Variants in EN2 observed in about 807,000 individuals in gnomAD.
The protein encoded by EN2 is engrailed homeobox 2, also known as homeobox protein engrailed-2.
In EN2, 7 loss-of-function variants were observed where a neutral mutation model predicts 25.0. The observed-to-expected ratio is 0.28, with a 90% CI of 0.16 to 0.53. The LOEUF (loss-of-function observed/expected upper bound fraction) is 0.53, where lower values mean the gene tolerates loss of function less well. Among genes scored for constraint, EN2 ranks in the 20% least tolerant of loss-of-function variants. The pLI is 0.96. For missense variants in EN2, 524 were observed against 501.8 expected (o/e 1.04, Z -0.42); for synonymous variants, 277 against 243.3 (o/e 1.14, Z -1.29).
At chr7:155,460,715 C>A (rs1795685258) in intron 1 of EN2, among the ~76,000 whole-genome samples, 1 of 152,040 alleles carries the variant, frequency 6.6e-6, no homozygotes, top group South Asian at 2.1e-4. Context: ...TGTGCCCCAT[C>A]CCCCACCACC....
In EN2 at chr7:155,462,933, C is replaced by CT. The variant is rs897507892; in HGVS notation, c.*252dup. 21 of 405,734 alleles carry CT rather than the reference C, an allele frequency of 5.2e-5. No homozygotes were observed. In the Admixed American group the frequency reaches 5.4e-4, roughly 10 times the overall value. 25.1% of individuals were successfully genotyped at this position (405,734 alleles called of 1,614,324 possible). A position where few individuals can be genotyped will look rare whatever the true frequency, so the allele number is the denominator to read the frequency against. On this transcript the variant is annotated 3_prime_UTR_variant, in exon 2 of 2. Transcript: ENST00000297375. ...TTATGCTAATTTTATGGGTTTTTTT[C>CT]TTTTTTGCGAAGGGGGCTGCTTAGG... is the stretch of plus-strand genomic sequence containing the variant.
Position 155,458,803 on chromosome 7 carries a change from G to T in EN2, c.426G>T (p.Pro142=), listed in dbSNP as rs1795660446. The change falls in exon 1 of 2, where the codon CCG becomes CCT. Residue 142 remains proline, a synonymous_variant. Transcript: ENST00000297375. ...NPPCAPGAGG[P]LPAAGSDSPG... ...CATGTGCGCCCGGCGCGGGCGGGCC[G>T]CTCCCAGCCGCCGGCAGCGACTCTC... 1.4e-6 allele frequency: 2 copies of T among 1,399,098 alleles called. No homozygotes were observed. The highest frequency in any genetic ancestry group is 9.2e-7 in the Non-Finnish European group (1 of 1,088,272). The allele number at this position is 1,399,098 out of a possible 1,614,324, so 86.7% of individuals were successfully genotyped here.
rs1278317353 is a variant in EN2 at position 155,463,632 on chromosome 7, TG to T, written c.*946del. The T allele has an allele frequency of 1.3e-5, 2 of 152,366 alleles. No homozygotes were observed. The highest frequency in any genetic ancestry group is 2.9e-5 in the Non-Finnish European group (2 of 68,202). 9.4% of individuals were successfully genotyped at this position (152,366 alleles called of 1,614,324 possible). A position where few individuals can be genotyped will look rare whatever the true frequency, so the allele number is the denominator to read the frequency against. ...GGCCTAACCCTCCTGCCCTGGGCAC[TG>T]CCTCCATGCAGAAGCGCTTCGAGGT... On this transcript the variant is annotated 3_prime_UTR_variant, in exon 2 of 2. Transcript: ENST00000297375.
At chr7:155,460,801 G>C (rs1795686277) in intron 1 of EN2, among the ~76,000 whole-genome samples, 1 of 152,174 alleles carries the variant, frequency 6.6e-6, no homozygotes, top group South Asian at 2.1e-4. Context: ...TGGAGCCCTG[G>C]GCGTGAGCAA....
At position 155,462,682 on chromosome 7, in the gene EN2, G is replaced by A. The variant is rs1402487469; in HGVS notation, c.997G>A (p.Glu333Lys). ...TTAKEGKSDSE is the reference protein window; with the variant it reads ...TTAKEGKSDSK ...AGCCAAGGAGGGCAAGTCGGACAGC[G>A]AGTAGGGCGGGGGGCATGGAGGCCA... The change falls in exon 2 of 2, where the codon GAG (glutamate) becomes AAG (lysine). Residue 333 changes from glutamate to lysine, a missense_variant. Glu to Lys is a moderately conservative substitution (Grantham distance 56, BLOSUM62 1). Coordinates refer to ENST00000297375, the MANE Select transcript of EN2 (RefSeq NM_001427.4). 1.3e-6 allele frequency: 2 copies of A among 1,575,300 alleles called. No homozygotes were observed. Among genetic ancestry groups the A allele is most frequent in the Non-Finnish European group, 1.7e-6 (2 of 1,159,028 alleles).
chr7:155,459,116 TG>T (rs1300411386), intron 1 of EN2, 54 bp downstream of exon 1: 229 of 1,491,778 alleles, frequency 1.5e-4, no homozygotes, highest in Non-Finnish European at 1.8e-4. Flanking sequence ...CCCGCGGAGC[TG>T]GGGGGCGGTG....
Position 155,458,927 on chromosome 7 carries a change from CGCGGCTTGGGCG to C in EN2, c.556_567del (p.Leu186_Gly189del), listed in dbSNP as rs1563074946. 1.3e-6 allele frequency: 2 copies of C among 1,516,692 alleles called. No homozygotes were observed. Among genetic ancestry groups the C allele is most frequent in the Non-Finnish European group, 1.8e-6 (2 of 1,139,620 alleles). 94.0% of individuals were successfully genotyped at this position (1,516,692 alleles called of 1,614,324 possible). A position where few individuals can be genotyped will look rare whatever the true frequency, so the allele number is the denominator to read the frequency against. On this transcript the variant is annotated inframe_deletion, in exon 1 of 2. Transcript: ENST00000297375. ...CCCCCTGGACGGGTCGCTCAAGGCC[CGCGGCTTGGGCG>C]GCGGCGACCTGTCGGTGAGCTCGGA...
rs1795653079 is a variant in EN2, at chr7:155,458,443, A to G, written c.66A>G (p.Glu22=). The change falls in exon 1 of 2, where the codon GAA becomes GAG. Residue 22 remains glutamate (E), a synonymous_variant. Coordinates refer to ENST00000297375, the MANE Select transcript of EN2 (RefSeq NM_001427.4). The stretch of plus-strand genomic sequence containing the variant: ...CGGTGGAGGGACAGCGGCAGCCGGA[A>G]TCCAGCCCCGGCGGCGGCTCGGGCG... ...AAAVEGQRQP[E]SSPGGGSGGG... is the part of the protein sequence containing the mutation. 7.7e-7 allele frequency: 1 copy of G among 1,305,078 alleles called. No individual in the cohort carries two copies. The highest frequency in any genetic ancestry group is 9.7e-7 in the Non-Finnish European group (1 of 1,026,854). The allele number at this position is 1,305,078 out of a possible 1,614,324, so 80.8% of individuals were successfully genotyped here. A position where few individuals can be genotyped will look rare whatever the true frequency, so the allele number is the denominator to read the frequency against.
Position 155,458,661 on chromosome 7 carries a change from G to T in EN2, c.284G>T (p.Gly95Val). 7.2e-7 allele frequency: 1 copy of T among 1,387,138 alleles called. No individual in the cohort carries two copies. The highest frequency in any genetic ancestry group is 1.5e-5 in the African/African-American group (1 of 65,572). 85.9% of individuals were successfully genotyped at this position (1,387,138 alleles called of 1,614,324 possible). ...ACCTGCTGTGCGGGCGCGGGAGGAG[G>T]AAGGGGCGGCGGAGCCGGCGGCGAA... ...AGTCCAGAGG[G>V]RGGGAGGEGG... The change falls in exon 1 of 2, where the codon GGA becomes GTA. Residue 95 changes from glycine to valine, a missense_variant. Coordinates refer to ENST00000297375, the MANE Select transcript of EN2 (RefSeq NM_001427.4).
Position 155,462,746 on chromosome 7 carries a change from C to A in EN2, c.*59C>A, listed in dbSNP as rs766755955. On this transcript the variant is annotated 3_prime_UTR_variant, in exon 2 of 2. Transcript: ENST00000297375. Reference sequence around the variant, plus strand: ...GCTAAACAATGCAATAATTTAAAATCATAAAGGGCCAGTGTATAAAGATTA... The same window carrying A: ...GCTAAACAATGCAATAATTTAAAATAATAAAGGGCCAGTGTATAAAGATTA... 6.8e-7 allele frequency: 1 copy of A among 1,475,622 alleles called. No individual in the cohort carries two copies. Among genetic ancestry groups the A allele is most frequent in the Non-Finnish European group, 9.1e-7 (1 of 1,101,522 alleles). The allele number at this position is 1,475,622 out of a possible 1,614,324, so 91.4% of individuals were successfully genotyped here.
rs1418433554 is a variant in EN2 at position 155,458,466 on chromosome 7, G to A, written c.89G>A (p.Gly30Asp). 6.2e-6 allele frequency: 8 copies of A among 1,294,778 alleles called. No homozygotes were observed. The highest frequency in any genetic ancestry group is 7.8e-6 in the Non-Finnish European group (8 of 1,019,666). The allele number at this position is 1,294,778 out of a possible 1,614,324, so 80.2% of individuals were successfully genotyped here. A position where few individuals can be genotyped will look rare whatever the true frequency, so the allele number is the denominator to read the frequency against. The stretch of plus-strand genomic sequence containing the variant: ...GAATCCAGCCCCGGCGGCGGCTCGG[G>A]CGGCGGCGGCGGTAGCAGCCCGGGC... ...QPESSPGGGS[G>D]GGGGSSPGEA... The change falls in exon 1 of 2, where the codon GGC becomes GAC. Residue 30 changes from glycine to aspartate, a missense_variant. By Grantham distance (94) the Gly-to-Asp change is moderately conservative. Transcript: ENST00000297375.
At chr7:155,460,129 T>G (rs1023602466) in intron 1 of EN2, among the ~76,000 whole-genome samples, 39 of 152,256 alleles carry the variant, frequency 2.6e-4, no homozygotes, top group Non-Finnish European at 5.1e-4. Flanking sequence ...TGCGTGCATA[T>G]TTCTGATGAA....
In EN2 at chr7:155,463,274, T is replaced by G. The variant is rs1223732992; in HGVS notation, c.*587T>G. ...AGGGTCCTTGGGCCAGTTCTGGGAT[T>G]TGGCCCTGGGAAGCAGCCCAGCGTA... On this transcript the variant is annotated 3_prime_UTR_variant, in exon 2 of 2. Transcript: ENST00000297375. 1 of 152,212 alleles carries G rather than the reference T, an allele frequency of 6.6e-6. No homozygotes were observed. The highest frequency in any genetic ancestry group is 2.4e-5 in the African/African-American group (1 of 40,978). The allele number at this position is 152,212 out of a possible 1,614,324, so 9.4% of individuals were successfully genotyped here. A position where few individuals can be genotyped will look rare whatever the true frequency, so the allele number is the denominator to read the frequency against.
Position 155,458,512 on chromosome 7 carries a change from G to A in EN2, c.135G>A (p.Arg45=), listed in dbSNP as rs777127172. The A allele has an allele frequency of 8.0e-5, 107 of 1,331,938 alleles. 1 individual carries two copies. The highest frequency in any genetic ancestry group is 2.1e-4 in the Middle Eastern group (1 of 4,712). 82.5% of individuals were successfully genotyped at this position (1,331,938 alleles called of 1,614,324 possible). A position where few individuals can be genotyped will look rare whatever the true frequency, so the allele number is the denominator to read the frequency against. Residue 45 remains arginine, a synonymous_variant, in exon 1 of 2, where the codon CGG becomes CGA. Transcript: ENST00000297375. ...CGGGCGAAGCGGACACCGGGCGCCG[G>A]CGGGCTCTGATGCTGCCCGCGGTCC... The part of the protein sequence containing the change: ...SSPGEADTGR[R]RALMLPAVLQ...
At chr7:155,460,737 C>A (rs1364799263) in intron 1 of EN2, among the ~76,000 whole-genome samples, 1 of 152,130 alleles carries the variant, frequency 6.6e-6, no homozygotes, top group East Asian at 1.9e-4. Flanking sequence ...TTCCGGAGGG[C>A]CAACCCCATC....
chr7:155,463,303 C>G lies in EN2; in HGVS notation c.*616C>G, dbSNP rs548222421. Reference sequence around the variant, plus strand: ...CCCTGGGAAGCAGCCCAGCGTACCCCAGGCCTGCTCTGGGAAGTCGGCTCC... The same window carrying G: ...CCCTGGGAAGCAGCCCAGCGTACCCGAGGCCTGCTCTGGGAAGTCGGCTCC... On this transcript the variant is annotated 3_prime_UTR_variant, in exon 2 of 2. Coordinates refer to ENST00000297375, the MANE Select transcript of EN2 (RefSeq NM_001427.4). The G allele has an allele frequency of 6.5e-6, 1 of 152,848 alleles. No individual in the cohort carries two copies. Among genetic ancestry groups the G allele is most frequent in the East Asian group, 1.9e-4 (1 of 5,170 alleles). 9.5% of individuals were successfully genotyped at this position (152,848 alleles called of 1,614,324 possible).
At position 155,462,597 on chromosome 7, in the gene EN2, C is replaced by A. The variant is rs763601729; in HGVS notation, c.912C>A (p.Gly304=). ...GCGCCAAGATCAAGAAGGCCACGGG[C>A]AACAAGAACACGCTGGCCGTGCACC... ...NKRAKIKKAT[G]NKNTLAVHLM... is the part of the protein sequence containing the mutation. Residue 304 remains glycine, a synonymous_variant, in exon 2 of 2, where the codon GGC becomes GGA. Transcript: ENST00000297375. 6.8e-6 allele frequency: 11 copies of A among 1,614,006 alleles called. No homozygotes were observed. Among genetic ancestry groups the A allele is most frequent in the African/African-American group, 1.3e-5 (1 of 74,914 alleles).
At chr7:155,462,323 C>A (rs1052319036) in intron 1 of EN2, 48 bp from the exon 2 acceptor site, 4 of 1,546,618 alleles carry the variant, frequency 2.6e-6, no homozygotes, top group Non-Finnish European at 3.5e-6. Context: ...TATTGGGTGG[C>A]ACACCTCTGG....
At chr7:155,460,652 C>G (rs894616231) in intron 1 of EN2, among the ~76,000 whole-genome samples, 8 of 152,242 alleles carry the variant, frequency 5.3e-5, no homozygotes, top group African/African-American at 1.9e-4. Context: ...TGGTTGGAAA[C>G]CCAGACAGAG....
Sources: gnomAD v4.1 joint callset for allele counts (sites outside exome capture counted in the v4.1 genomes callset) on GRCh38, gnomAD v4.1.1 for gene constraint, MANE v1.5 for transcripts, NCBI Gene and HGNC (gene_info 2026-07-23, HGNC 2026-07-21) for gene names.